Variants in TRAPPC9 observed in about 807,000 individuals in gnomAD.
TRAPPC9 encodes the protein IKK2 binding protein.
Under a neutral mutation model 124.0 loss-of-function variants are expected in TRAPPC9, and 83 were observed. The observed-to-expected ratio is 0.67, with a 90% CI of 0.56 to 0.80. The LOEUF is 0.80. Among genes scored for constraint, TRAPPC9 ranks in the 30% least tolerant of loss-of-function variants. The pLI, the probability that TRAPPC9 is intolerant of heterozygous loss-of-function variation, is 0.00. For synonymous variants in TRAPPC9, 638 were observed against 617.5 expected (o/e 1.03, Z -0.49); for missense variants, 1,302 against 1,508.3 (o/e 0.86, Z 2.27).
intron 14 of TRAPPC9, among the ~76,000 whole-genome samples, chr8:140,280,602 T>G (rs938246584): frequency 1.3e-5 from 2 of 151,914 alleles, no homozygotes; most frequent in Non-Finnish European, 2.9e-5. Flanking sequence ...CTAATTTTTG[T>G]ATTTTTTTTT....
At chr8:140,180,447 T>C (rs749140398) in intron 17 of TRAPPC9, among the ~76,000 whole-genome samples, 1 of 152,192 alleles carries the variant, frequency 6.6e-6, no homozygotes, top group African/African-American at 2.4e-5. Context: ...CAATATTCCT[T>C]CAAGGAAACG....
chr8:140,302,413 G>A (rs559763287), intron 10 of TRAPPC9, among the ~76,000 whole-genome samples: 3 of 152,316 alleles, frequency 2.0e-5, no homozygotes, highest in East Asian at 3.9e-4. Flanking sequence ...GAGGACAGGG[G>A]CACCAGGACC....
intron 21 of TRAPPC9, among the ~76,000 whole-genome samples, chr8:139,870,012 A>C (rs1455368239): frequency 1.3e-5 from 2 of 152,234 alleles, no homozygotes; most frequent in African/African-American, 4.8e-5. Flanking sequence ...TTAGAAAGGC[A>C]AAAAGGCATT....
intron 14 of TRAPPC9, among the ~76,000 whole-genome samples, chr8:140,279,719 T>A (rs909883728): frequency 6.6e-6 from 1 of 151,886 alleles, no homozygotes; most frequent in African/African-American, 2.4e-5. Context: ...ACAATAAAAA[T>A]GGGGGGTCAG....
intron 17 of TRAPPC9, among the ~76,000 whole-genome samples, chr8:140,092,603 G>T (rs1844647626): frequency 6.6e-6 from 1 of 152,150 alleles, no homozygotes. Flanking sequence ...ATGAGTCCAG[G>T]AATCAAACCA....
At chr8:139,889,491 C>A (rs925717610) in intron 20 of TRAPPC9, among the ~76,000 whole-genome samples, 1 of 152,080 alleles carries the variant, frequency 6.6e-6, no homozygotes, top group Non-Finnish European at 1.5e-5. Flanking sequence ...CTGAGGGAGA[C>A]AAGGAATGGG....
chr8:139,978,456 T>A (rs1836639176), intron 19 of TRAPPC9, among the ~76,000 whole-genome samples: 1 of 152,180 alleles, frequency 6.6e-6, no homozygotes, highest in Non-Finnish European at 1.5e-5. Context: ...ATTGTGACAT[T>A]TAAAAAGAGT....
At position 139,961,056 on chromosome 8, in the gene TRAPPC9, A is replaced by C. The variant is rs986643137; in HGVS notation, c.2810+27670T>G. 7.7e-3 allele frequency among the ~76,000 whole-genome samples: 963 copies of C among 124,742 alleles called. 259 individuals are homozygous for C. The highest frequency in any genetic ancestry group is 0.039 in the Middle Eastern group (9 of 232). 81.8% of individuals were successfully genotyped at this position (124,742 alleles called of 152,430 possible). On this transcript the variant is annotated intron_variant, in intron 19 of 22. Coordinates refer to ENST00000438773, the MANE Select transcript of TRAPPC9 (RefSeq NM_001160372.4). ...TAGAGACAGGAAGAAAAAAACAAAC[A>C]AGGCAGATTACAGGACATGAGATCC...
intron 21 of TRAPPC9, among the ~76,000 whole-genome samples, chr8:139,859,102 A>G (rs572432789): frequency 6.6e-6 from 1 of 150,834 alleles, no homozygotes; most frequent in African/African-American, 2.4e-5. Flanking sequence ...AAGCTGAGGG[A>G]TTTTGTTTCT....
chr8:139,746,446 G>C (rs1229769960), intron 21 of TRAPPC9, among the ~76,000 whole-genome samples: 1 of 152,216 alleles, frequency 6.6e-6, no homozygotes, highest in South Asian at 2.1e-4. Flanking sequence ...GCTGGAGGAG[G>C]GAGGAGCTGC....
intron 17 of TRAPPC9, among the ~76,000 whole-genome samples, chr8:140,141,800 A>T (rs1415000079): frequency 6.6e-6 from 1 of 152,208 alleles, no homozygotes; most frequent in African/African-American, 2.4e-5. Context: ...GGCAGTGGCT[A>T]CCTAGCTACC....
intron 17 of TRAPPC9, among the ~76,000 whole-genome samples, chr8:140,213,055 A>G (rs1250679929): frequency 6.7e-6 from 1 of 148,700 alleles, no homozygotes; most frequent in African/African-American, 2.5e-5. Flanking sequence ...CTGGTGACAG[A>G]GCAAGACTCT....
chr8:139,730,989 A>T lies in TRAPPC9; in HGVS notation c.*72T>A, dbSNP rs1817781429. The T allele has an allele frequency of 6.4e-7, 1 of 1,557,150 alleles. No individual in the cohort carries two copies. Among genetic ancestry groups the T allele is most frequent in the South Asian group, 1.1e-5 (1 of 87,086 alleles). On this transcript the variant is annotated 3_prime_UTR_variant, in exon 23 of 23. Coordinates refer to ENST00000438773, the MANE Select transcript of TRAPPC9 (RefSeq NM_001160372.4). ...TGGGGCTGCAGTGAAGGCCTTGCTCATTGCAGGGGGTGTGGGAGGCCAGGC... is the reference window on the plus strand; with the variant it reads ...TGGGGCTGCAGTGAAGGCCTTGCTCTTTGCAGGGGGTGTGGGAGGCCAGGC...
At chr8:140,381,204 CAAAA>C (rs35624592) in intron 7 of TRAPPC9, among the ~76,000 whole-genome samples, 6 of 109,196 alleles carry the variant, frequency 5.5e-5, no homozygotes, top group Admixed American at 9.5e-5. Flanking sequence ...AACTCCATCT[CAAAA>C]AAAAAAAAAA....
intron 21 of TRAPPC9, among the ~76,000 whole-genome samples, chr8:139,792,630 GA>G (rs1822778349): frequency 6.6e-6 from 1 of 152,186 alleles, no homozygotes. Context: ...CCCTGTGTCT[GA>G]AAACTCCAAC....
At chr8:139,823,355 G>A (rs1222095357) in intron 21 of TRAPPC9, among the ~76,000 whole-genome samples, 1 of 151,982 alleles carries the variant, frequency 6.6e-6, no homozygotes, top group Non-Finnish European at 1.5e-5. Context: ...CAGGCTAAGG[G>A]GCTCAAGCAA....
At chr8:140,431,124 T>C (rs950619356) in intron 4 of TRAPPC9, among the ~76,000 whole-genome samples, 1 of 152,148 alleles carries the variant, frequency 6.6e-6, no homozygotes, top group East Asian at 1.9e-4. Flanking sequence ...ATAACGGCCA[T>C]GTCTCTAAAC....
At chr8:140,113,525 G>A (rs2060821398) in intron 17 of TRAPPC9, among the ~76,000 whole-genome samples, 1 of 152,194 alleles carries the variant, frequency 6.6e-6, no homozygotes, top group East Asian at 1.9e-4. Flanking sequence ...CCGGCTTCAG[G>A]GTTGCAGGAG....
At chr8:140,144,989 T>C (rs960970844) in intron 17 of TRAPPC9, among the ~76,000 whole-genome samples, 2 of 152,006 alleles carry the variant, frequency 1.3e-5, no homozygotes, top group African/African-American at 4.8e-5. Context: ...TTCTCCTGCC[T>C]CAGGGGCCTC....
Sources: allele counts gnomAD v4.1 joint callset (sites outside exome capture counted in the v4.1 genomes callset), GRCh38; gene constraint gnomAD v4.1.1; transcripts MANE v1.5; gene names NCBI Gene and HGNC (gene_info 2026-07-23, HGNC 2026-07-21).